Variants in LPIN2 observed in about 807,000 individuals in gnomAD.
LPIN2 encodes the protein lipin 2, also known as phosphatidate phosphatase LPIN2.
In LPIN2, 55 loss-of-function variants were observed where a neutral mutation model predicts 111.4. The ratio of observed to expected loss-of-function variants is 0.49; its 90% CI spans 0.40 to 0.62. The LOEUF (loss-of-function observed/expected upper bound fraction) is 0.62, where lower values mean the gene tolerates loss of function less well. Ranked by LOEUF, LPIN2 falls within the 20% of genes least tolerant of loss-of-function variation. The pLI, the probability that LPIN2 is intolerant of heterozygous loss-of-function variation, is 0.00. For missense variants in LPIN2, 992 were observed against 1,112.1 expected, an observed-to-expected ratio of 0.89 and a Z score of 1.54; for synonymous variants, 425 against 414.0, an observed-to-expected ratio of 1.03 and a Z score of -0.32.
intron 10 of LPIN2, among the ~76,000 whole-genome samples, 197 bp downstream of exon 10, chr18:2,928,868 A>AAG (rs1006677578): frequency 3.7e-4 from 57 of 152,352 alleles, no homozygotes; most frequent in African/African-American, 1.3e-3. Context: ...AAATCTATCA[A>AAG]ACAGAGTAAC....
At chr18:2,987,511 T>G (rs1301570228) in intron 1 of LPIN2, among the ~76,000 whole-genome samples, 1 of 152,174 alleles carries the variant, frequency 6.6e-6, no homozygotes, top group Non-Finnish European at 1.5e-5. Context: ...CTTGACTTAT[T>G]TTTTTCCACG....
rs577064818 is a variant in LPIN2, at chr18:2,969,851, A to C, written c.-9-9002T>G. 4.6e-5 allele frequency among the ~76,000 whole-genome samples: 7 copies of C among 152,312 alleles called. No individual in the cohort carries two copies. In the South Asian group the frequency reaches 1.2e-3, roughly 27 times the overall value. ...CTGTTGCAAGAACTTTCTCCTCTTA[A>C]GCCTGATTAAGTTTGTTATGAAGAC... On this transcript the variant is annotated intron_variant, in intron 1 of 19. Transcript: ENST00000677752.
chr18:2,932,207 A>G (rs2077220858), intron 8 of LPIN2, among the ~76,000 whole-genome samples: 1 of 152,208 alleles, frequency 6.6e-6, no homozygotes, highest in African/African-American at 2.4e-5. Flanking sequence ...ACAGTCCCCA[A>G]TGCTTACTAC....
At chr18:2,995,829 G>A (rs916908999) in intron 1 of LPIN2, among the ~76,000 whole-genome samples, 3 of 152,132 alleles carry the variant, frequency 2.0e-5, no homozygotes, top group Non-Finnish European at 4.4e-5. Flanking sequence ...AAAAGGAAGG[G>A]GTGTTTCAAA....
chr18:2,971,117 A>G (rs1017649064), intron 1 of LPIN2, among the ~76,000 whole-genome samples: 4 of 152,194 alleles, frequency 2.6e-5, no homozygotes, highest in Non-Finnish European at 5.9e-5. Flanking sequence ...TTCATCTTCA[A>G]AAATTACCAG....
At chr18:2,997,009 T>C (rs1406865121) in intron 1 of LPIN2, among the ~76,000 whole-genome samples, 2 of 130,514 alleles carry the variant, frequency 1.5e-5, no homozygotes, top group Non-Finnish European at 3.3e-5. Flanking sequence ...TGAGACAGAG[T>C]CTCACTCCCT....
At chr18:2,983,139 A>AT (rs1457242939) in intron 1 of LPIN2, among the ~76,000 whole-genome samples, 3 of 152,204 alleles carry the variant, frequency 2.0e-5, no homozygotes, top group African/African-American at 7.2e-5. Context: ...TTTTTTAGAA[A>AT]TAAAAACAGC....
intron 1 of LPIN2, among the ~76,000 whole-genome samples, chr18:2,976,300 T>C (rs577091490): frequency 3.3e-5 from 5 of 152,182 alleles, no homozygotes; most frequent in Non-Finnish European, 5.9e-5. Context: ...ACCAGCCAGA[T>C]GGACTACCAT....
At chr18:2,940,771 AT>A (rs2077357371) in intron 4 of LPIN2, 59 bp from the exon 5 acceptor site, 1 of 993,172 alleles carries the variant, frequency 1.0e-6, no homozygotes, top group Non-Finnish European at 1.6e-6. Context: ...GCTTTAAAAT[AT>A]CCCCCAAACC....
At position 2,966,630 on chromosome 18, in the gene LPIN2, T is replaced by C. The variant is rs541759708; in HGVS notation, c.-9-5781A>G. On this transcript the variant is annotated intron_variant, in intron 1 of 19. Coordinates refer to ENST00000677752, the MANE Select transcript of LPIN2 (RefSeq NM_001375808.2). ...TTCATGAAGCCTCCAGATTTCTTAC[T>C]GCAAGTGGGCTGCTTTCAGCAATCT... Among the ~76,000 whole-genome samples, 12 of 152,368 alleles carry C rather than the reference T, an allele frequency of 7.9e-5. No homozygotes were observed. The East Asian group carries it at 1.7e-3, about 22-fold the overall frequency.
At chr18:2,994,566 G>A (rs1263276711) in intron 1 of LPIN2, among the ~76,000 whole-genome samples, 1 of 152,220 alleles carries the variant, frequency 6.6e-6, no homozygotes, top group East Asian at 1.9e-4. Context: ...GCTCAAATCA[G>A]GGTAAATGGG....
intron 3 of LPIN2, among the ~76,000 whole-genome samples, chr18:2,954,287 A>G (rs1420876541): frequency 6.6e-6 from 1 of 152,230 alleles, no homozygotes; most frequent in Non-Finnish European, 1.5e-5. Flanking sequence ...TGCATTCAGC[A>G]TGCTCCCTGC....
chr18:2,925,167 A>G lies in LPIN2; in HGVS notation c.1938+57T>C, dbSNP rs755385227. 4.5e-5 allele frequency: 72 copies of G among 1,605,024 alleles called. No individual in the cohort carries two copies. Among genetic ancestry groups the G allele is most frequent in the Admixed American group, 6.7e-5 (4 of 59,976 alleles). The stretch of plus-strand genomic sequence containing the variant: ...TGTGGACAGAAGAGGATGTGCATCA[A>G]ATTAAACCATTACTAAAATAAGTCC... On this transcript the variant is annotated intron_variant, in intron 14 of 19. Coordinates refer to ENST00000677752, the MANE Select transcript of LPIN2 (RefSeq NM_001375808.2). The surrounding 1 kb of genome is among the most constrained non-coding windows in gnomAD (Gnocchi z 4.1).
chr18:3,010,722 T>C (rs2078588320), intron 1 of LPIN2, among the ~76,000 whole-genome samples: 1 of 152,232 alleles, frequency 6.6e-6, no homozygotes, highest in African/African-American at 2.4e-5. Context: ...CAAATCTACC[T>C]GTTACCACTA....
At chr18:2,933,920 C>T (rs535699516) in intron 8 of LPIN2, among the ~76,000 whole-genome samples, 2 of 152,274 alleles carry the variant, frequency 1.3e-5, no homozygotes, top group African/African-American at 4.8e-5. Flanking sequence ...GACCCAGACC[C>T]GGTTCAGAAA....
intron 1 of LPIN2, among the ~76,000 whole-genome samples, chr18:2,969,610 CAA>C (rs1238899410): frequency 5.3e-5 from 8 of 152,256 alleles, no homozygotes; most frequent in African/African-American, 1.2e-4. Flanking sequence ...CAGTATTTCT[CAA>C]AGAGTGGTCC....
intron 1 of LPIN2, among the ~76,000 whole-genome samples, chr18:3,007,487 T>TTAACAGTA (rs2078533840): frequency 6.6e-6 from 1 of 152,242 alleles, no homozygotes; most frequent in African/African-American, 2.4e-5. Flanking sequence ...CTATTATTAA[T>TTAACAGTA]TTTAAAAAAT....
chr18:2,998,936 C>T (rs1197940909), intron 1 of LPIN2, among the ~76,000 whole-genome samples: 1 of 152,180 alleles, frequency 6.6e-6, no homozygotes, highest in African/African-American at 2.4e-5. Context: ...ATTAAACATT[C>T]AGGAACATGC....
At chr18:2,957,047 CA>C (rs1470729286) in intron 2 of LPIN2, among the ~76,000 whole-genome samples, 1 of 152,198 alleles carries the variant, frequency 6.6e-6, no homozygotes, top group African/African-American at 2.4e-5. Flanking sequence ...TCTAGTAAAA[CA>C]GTTTTAAAAA....
Sources: gnomAD v4.1 joint callset for allele counts (sites outside exome capture counted in the v4.1 genomes callset) on GRCh38, gnomAD v4.1.1 for gene constraint, Gnocchi (gnomAD v3.1) non-coding constraint, MANE v1.5 for transcripts, NCBI Gene and HGNC (gene_info 2026-07-23, HGNC 2026-07-21) for gene names.